CNGB3: variants seen among roughly 807,000 people sequenced by gnomAD.
CNGB3 encodes the protein cyclic nucleotide gated channel subunit beta 3.
Under a neutral mutation model 92.8 loss-of-function variants are expected in CNGB3, and 86 were observed. The observed-to-expected ratio is 0.93, with a 90% CI of 0.78 to 1.11. The LOEUF (loss-of-function observed/expected upper bound fraction) is 1.11, where lower values mean the gene tolerates loss of function less well. Ranked by LOEUF, CNGB3 falls within the 50% of genes least tolerant of loss-of-function variation. The probability of loss-of-function intolerance (pLI) is 0.00; values close to 1 mark genes in which losing one functional copy is unlikely to be tolerated. For missense variants in CNGB3, 1,026 were observed against 956.8 expected, an observed-to-expected ratio of 1.07 and a Z score of -0.95; for synonymous variants, 333 against 332.7, an observed-to-expected ratio of 1.00 and a Z score of -0.01.
At chr8:86,598,015 A>T (rs867571697) in intron 15 of CNGB3, among the ~76,000 whole-genome samples, 247 of 147,652 alleles carry the variant, frequency 1.7e-3, no homozygotes, top group African/African-American at 6.3e-3. Flanking sequence ...TAAAATTAAA[A>T]TAAAATAAAA....
chr8:86,711,146 T>G (rs1033452216), intron 3 of CNGB3, among the ~76,000 whole-genome samples: 2 of 152,186 alleles, frequency 1.3e-5, no homozygotes, highest in Non-Finnish European at 2.9e-5. Flanking sequence ...ATGGCAACCC[T>G]CAGCTACATG....
At chr8:86,699,945 ATCTC>A (rs1378460202) in intron 3 of CNGB3, among the ~76,000 whole-genome samples, 1 of 151,524 alleles carries the variant, frequency 6.6e-6, no homozygotes, top group Non-Finnish European at 1.5e-5. Context: ...CTATCATCCA[ATCTC>A]TCTTTCTTTC....
chr8:86,712,913 G>T (rs919298973), intron 3 of CNGB3, among the ~76,000 whole-genome samples: 8 of 149,750 alleles, frequency 5.3e-5, no homozygotes, highest in African/African-American at 2.0e-4. Flanking sequence ...TTGCTCATCT[G>T]TTTTTTTTCA....
At chr8:86,694,950 G>T (rs1824418058) in intron 3 of CNGB3, among the ~76,000 whole-genome samples, 1 of 152,198 alleles carries the variant, frequency 6.6e-6, no homozygotes, top group African/African-American at 2.4e-5. Context: ...AAGGCAGGCG[G>T]CTGGGAGGTG....
intron 3 of CNGB3, among the ~76,000 whole-genome samples, chr8:86,679,142 A>G (rs1824032641): frequency 6.6e-6 from 1 of 152,112 alleles, no homozygotes; most frequent in African/African-American, 2.4e-5. Flanking sequence ...TCATTTATTC[A>G]ACTAATATTT....
At chr8:86,621,703 C>T (rs1822731338) in intron 13 of CNGB3, among the ~76,000 whole-genome samples, 1 of 152,128 alleles carries the variant, frequency 6.6e-6, no homozygotes, top group South Asian at 2.1e-4. Context: ...ATCCTCATAG[C>T]TTAGCTCCCA....
intron 3 of CNGB3, among the ~76,000 whole-genome samples, chr8:86,700,553 A>T (rs934524633): frequency 2.6e-5 from 4 of 152,222 alleles, no homozygotes; most frequent in African/African-American, 9.7e-5. Context: ...TTCTCCTCAC[A>T]TCTCCAATAT....
Position 86,576,121 on chromosome 8 carries a change from T to G in CNGB3, c.2113A>C (p.Asn705His), listed in dbSNP as rs773182582. The change falls in exon 18 of 18, where the codon AAT becomes CAT. Residue 705 changes from asparagine (N) to histidine (H), a missense_variant. Transcript: ENST00000320005. ...KREQAAQKKE[N>H]SEGGEEEGKE... The stretch of plus-strand genomic sequence containing the variant: ...CCTTCTTCCTCTCCTCCTTCAGAAT[T>G]TTCTTTCTTCTGGAAGGAGCAATTA... The G allele has an allele frequency of 1.2e-6, 2 of 1,603,862 alleles. No individual in the cohort carries two copies. The highest frequency in any genetic ancestry group is 1.7e-6 in the Non-Finnish European group (2 of 1,178,844).
chr8:86,663,866 G>A (rs982063654), intron 6 of CNGB3, among the ~76,000 whole-genome samples: 2 of 152,200 alleles, frequency 1.3e-5, no homozygotes, highest in African/African-American at 4.8e-5. Flanking sequence ...CCTGTTGAGT[G>A]TGTTTTTTAC....
intron 3 of CNGB3, among the ~76,000 whole-genome samples, chr8:86,685,105 T>C (rs1293964722): frequency 1.3e-5 from 2 of 152,138 alleles, no homozygotes; most frequent in Admixed American, 1.3e-4. Flanking sequence ...TTTTGCAAGA[T>C]GTTACAATTG....
intron 15 of CNGB3, among the ~76,000 whole-genome samples, chr8:86,602,499 A>T (rs76573290): frequency 6.6e-6 from 1 of 152,312 alleles, no homozygotes; most frequent in African/African-American, 2.4e-5. Flanking sequence ...CGTGGTATAA[A>T]GATCACTGGA....
chr8:86,671,786 T>G (rs1823866647), intron 3 of CNGB3, among the ~76,000 whole-genome samples: 1 of 152,140 alleles, frequency 6.6e-6, no homozygotes, highest in African/African-American at 2.4e-5. Flanking sequence ...GGAACTGATT[T>G]TGCCAATAAC....
At chr8:86,655,857 T>G (rs1243106267) in intron 6 of CNGB3, among the ~76,000 whole-genome samples, 1 of 152,224 alleles carries the variant, frequency 6.6e-6, no homozygotes, top group African/African-American at 2.4e-5. Flanking sequence ...ATGTTTCACT[T>G]ATATGTAGTA....
intron 8 of CNGB3, among the ~76,000 whole-genome samples, chr8:86,647,222 A>G (rs1823305874): frequency 6.6e-6 from 1 of 150,950 alleles, no homozygotes; most frequent in Non-Finnish European, 1.5e-5. Context: ...TATAAATTAT[A>G]TAAATATATT....
intron 3 of CNGB3, among the ~76,000 whole-genome samples, chr8:86,703,415 T>C (rs951651805): frequency 6.6e-6 from 1 of 152,214 alleles, no homozygotes; most frequent in Admixed American, 6.5e-5. Flanking sequence ...AGGAATTCAC[T>C]GGGTGCACAC....
intron 3 of CNGB3, among the ~76,000 whole-genome samples, chr8:86,674,409 T>A (rs1823923535): frequency 6.6e-6 from 1 of 152,344 alleles, no homozygotes; most frequent in African/African-American, 2.4e-5. Flanking sequence ...GCTGGAGCAT[T>A]ATGATGTCAT....
chr8:86,653,804 T>C (rs1322363105), intron 7 of CNGB3, among the ~76,000 whole-genome samples: 1 of 152,150 alleles, frequency 6.6e-6, no homozygotes, highest in Non-Finnish European at 1.5e-5. Flanking sequence ...TATTTTGGTC[T>C]GCTTAATAAG....
chr8:86,738,496 A>G (rs1206742569), intron 2 of CNGB3, among the ~76,000 whole-genome samples: 1 of 152,198 alleles, frequency 6.6e-6, no homozygotes, highest in Non-Finnish European at 1.5e-5. Flanking sequence ...TAGTGCAGAC[A>G]TAAGCTACTA....
At chr8:86,638,042 G>T (rs891383467) in intron 10 of CNGB3, among the ~76,000 whole-genome samples, 2 of 152,068 alleles carry the variant, frequency 1.3e-5, no homozygotes, top group African/African-American at 4.8e-5. Flanking sequence ...TTTATGTTGT[G>T]TATTGGTAAT....
Sources: allele counts gnomAD v4.1 joint callset (sites outside exome capture counted in the v4.1 genomes callset), GRCh38; gene constraint gnomAD v4.1.1; transcripts MANE v1.5; gene names NCBI Gene and HGNC (gene_info 2026-07-23, HGNC 2026-07-21).